JAM3: variants seen among roughly 807,000 people sequenced by gnomAD.
JAM3 encodes the protein junctional adhesion molecule 3.
A neutral mutation model predicts 39.4 loss-of-function variants in JAM3; 31 were observed. The ratio of observed to expected loss-of-function variants is 0.79; its 90% CI spans 0.59 to 1.06. The LOEUF (loss-of-function observed/expected upper bound fraction) is 1.06, where lower values mean the gene tolerates loss of function less well. JAM3 is among the 50% of genes least tolerant of loss of function. The pLI is 0.00. For synonymous variants in JAM3, 182 were observed against 148.7 expected (o/e 1.22, Z -1.63); for missense variants, 455 against 391.4 (o/e 1.16, Z -1.37).
intron 1 of JAM3, among the ~76,000 whole-genome samples, chr11:134,134,418 AAAAACAT>A (rs1403008297): frequency 3.6e-4 from 54 of 151,562 alleles, no homozygotes; most frequent in African/African-American, 1.3e-3. Flanking sequence ...AAAAAAAAAA[AAAAACAT>A]CTAGGCATAT....
intron 1 of JAM3, among the ~76,000 whole-genome samples, chr11:134,138,349 G>A (rs1290317999): frequency 6.9e-6 from 1 of 145,562 alleles, no homozygotes; most frequent in South Asian, 2.2e-4. Flanking sequence ...CTCATGCTGA[G>A]AGAAATGTTT....
At chr11:134,091,722 C>T (rs1027726058) in intron 1 of JAM3, among the ~76,000 whole-genome samples, 1 of 151,806 alleles carries the variant, frequency 6.6e-6, no homozygotes, top group Non-Finnish European at 1.5e-5. Flanking sequence ...AATTTATAGC[C>T]GACTAAGTCT....
Position 134,149,449 on chromosome 11 carries a change from G to A in JAM3, c.*268G>A, listed in dbSNP as rs899537254. On this transcript the variant is annotated 3_prime_UTR_variant, in exon 9 of 9. Coordinates refer to ENST00000299106, the MANE Select transcript of JAM3 (RefSeq NM_032801.5). ...GAGTTGGGTTCCTAATCTGTTTCTG[G>A]CCTGATTCCCGCATGAGTATTAGGG... is the stretch of plus-strand genomic sequence containing the variant. The A allele has an allele frequency of 1.0e-5, 6 of 589,936 alleles. No individual in the cohort carries two copies. The highest frequency in any genetic ancestry group is 9.3e-5 in the African/African-American group (5 of 53,876). The allele number at this position is 589,936 out of a possible 1,614,324, so 36.5% of individuals were successfully genotyped here.
At position 134,148,760 on chromosome 11, in the gene JAM3, A is replaced by G. The variant is rs1458834995; in HGVS notation, c.843-4A>G. 6.2e-7 allele frequency: 1 copy of G among 1,614,004 alleles called. No homozygotes were observed. The highest frequency in any genetic ancestry group is 8.5e-7 in the Non-Finnish European group (1 of 1,179,994). ...GTTGCTAAACTGCTCTCTTCTCCTC[A>G]TAGTTACAAGAACCCAGGGAAACCA... On this transcript the variant is annotated splice_region_variant and splice_polypyrimidine_tract_variant and intron_variant, in intron 7 of 8. Coordinates refer to ENST00000299106, the MANE Select transcript of JAM3 (RefSeq NM_032801.5).
chr11:134,147,474 A>G (rs533342074), intron 6 of JAM3, among the ~76,000 whole-genome samples: 6 of 150,826 alleles, frequency 4.0e-5, no homozygotes, highest in Non-Finnish European at 8.9e-5. Flanking sequence ...AAAAAAAAAA[A>G]AAAACGATTG....
chr11:134,146,773 C>T (rs1011912984), intron 6 of JAM3, among the ~76,000 whole-genome samples: 1 of 152,116 alleles, frequency 6.6e-6, no homozygotes, highest in Non-Finnish European at 1.5e-5. Flanking sequence ...CTGTGTTGCC[C>T]AGGCTGGTCT....
intron 1 of JAM3, among the ~76,000 whole-genome samples, chr11:134,094,656 G>A (rs188510706): frequency 2.9e-5 from 2 of 69,458 alleles, no homozygotes; most frequent in East Asian, 9.4e-4. Flanking sequence ...CACCTTAAAT[G>A]TCACTTCCTG....
intron 1 of JAM3, among the ~76,000 whole-genome samples, chr11:134,098,721 A>G (rs989936955): frequency 1.6e-4 from 24 of 152,176 alleles, no homozygotes; most frequent in African/African-American, 5.5e-4. Flanking sequence ...ATTTTGAGGT[A>G]TACTGCACTT....
At chr11:134,070,311 A>G (rs1591764428) in intron 1 of JAM3, 1 of 428,330 alleles carries the variant, frequency 2.3e-6, no homozygotes, top group East Asian at 7.1e-5. Context: ...CGGTTCTTAG[A>G]TTATTTTATT....
intron 1 of JAM3, among the ~76,000 whole-genome samples, chr11:134,114,776 C>G (rs1022489288): frequency 6.6e-6 from 1 of 152,102 alleles, no homozygotes; most frequent in Non-Finnish European, 1.5e-5. Context: ...TATGGTCTAC[C>G]TTGGTAAATG....
At chr11:134,126,889 C>T (rs939540135) in intron 1 of JAM3, among the ~76,000 whole-genome samples, 3 of 152,222 alleles carry the variant, frequency 2.0e-5, no homozygotes, top group Admixed American at 6.5e-5. Context: ...ATAACTTCTC[C>T]TTCTCTGTCA....
intron 1 of JAM3, among the ~76,000 whole-genome samples, chr11:134,133,424 A>G (rs1478841732): frequency 2.0e-5 from 3 of 152,188 alleles, no homozygotes; most frequent in Non-Finnish European, 4.4e-5. Flanking sequence ...GCTGTCAGCT[A>G]TAGGTTTTTC....
chr11:134,086,727 T>C (rs1334656697), intron 1 of JAM3, among the ~76,000 whole-genome samples: 1 of 152,126 alleles, frequency 6.6e-6, no homozygotes, highest in African/African-American at 2.4e-5. Flanking sequence ...CGTAAATAGA[T>C]AGGGCTCCAT....
chr11:134,148,686 C>T lies in JAM3; in HGVS notation c.842+10C>T, dbSNP rs372726462. 6.2e-7 allele frequency: 1 copy of T among 1,614,016 alleles called. No individual in the cohort carries two copies. The highest frequency in any genetic ancestry group is 8.5e-7 in the Non-Finnish European group (1 of 1,180,000). ...AACAGGATGGAGAAAGGTGAGCCTGCCTTATGTGAAAAAAGGGAAGTTCAA... is the reference window on the plus strand; with the variant it reads ...AACAGGATGGAGAAAGGTGAGCCTGTCTTATGTGAAAAAAGGGAAGTTCAA... On this transcript the variant is annotated intron_variant, in intron 7 of 8. Transcript: ENST00000299106.
chr11:134,122,947 A>G (rs1241911586), intron 1 of JAM3, among the ~76,000 whole-genome samples: 1 of 152,204 alleles, frequency 6.6e-6, no homozygotes, highest in Non-Finnish European at 1.5e-5. Context: ...CTTTTAGAAG[A>G]CAAGTTTCTG....
intron 1 of JAM3, among the ~76,000 whole-genome samples, chr11:134,124,723 A>G (rs573458649): frequency 1.4e-4 from 22 of 152,182 alleles, no homozygotes; most frequent in Non-Finnish European, 2.9e-4. Flanking sequence ...GCAATTAAAA[A>G]AAAAAGCCAG....
chr11:134,132,802 C>G (rs1942792696), intron 1 of JAM3, among the ~76,000 whole-genome samples: 1 of 152,188 alleles, frequency 6.6e-6, no homozygotes, highest in Non-Finnish European at 1.5e-5. Context: ...GGGGGGCCTG[C>G]TAAGACTGGG....
chr11:134,145,369 T>C, intron 5 of JAM3: 1 of 373,970 alleles, frequency 2.7e-6, no homozygotes, highest in East Asian at 6.7e-5. Context: ...GAAGGTATTG[T>C]GGTTACGATT....
At chr11:134,079,659 T>C (rs558761799) in intron 1 of JAM3, among the ~76,000 whole-genome samples, 19 of 152,194 alleles carry the variant, frequency 1.2e-4, no homozygotes, top group Non-Finnish European at 2.6e-4. Flanking sequence ...TTGAAAGTAA[T>C]TTAAACCCCA....
Sources: allele counts gnomAD v4.1 joint callset (sites outside exome capture counted in the v4.1 genomes callset), GRCh38; gene constraint gnomAD v4.1.1; transcripts MANE v1.5; gene names NCBI Gene and HGNC (gene_info 2026-07-23, HGNC 2026-07-21).